The following CDKN2B-AS1 variants were observed in gnomAD, a reference collection of about 807,000 sequenced individuals.
CDKN2B-AS1 encodes CDKN2B antisense RNA 1 (non-protein coding).
At chr9:22,052,262 A>G (rs1563948298) in intron 3 of CDKN2B-AS1, among the ~76,000 whole-genome samples, 2 of 152,208 alleles carry the variant, frequency 1.3e-5, no homozygotes, top group Non-Finnish European at 2.9e-5. Flanking sequence ...TAAGTGTTCT[A>G]TATACAAAGC....
At chr9:22,060,093 C>A (rs1683668699) in intron 4 of CDKN2B-AS1, among the ~76,000 whole-genome samples, 1 of 152,198 alleles carries the variant, frequency 6.6e-6, no homozygotes, top group Non-Finnish European at 1.5e-5. Flanking sequence ...TCCCCATGGT[C>A]TCGGGGATTA....
At chr9:22,018,934 G>A (rs927326362) in intron 1 of CDKN2B-AS1, among the ~76,000 whole-genome samples, 1 of 152,186 alleles carries the variant, frequency 6.6e-6, no homozygotes, top group Non-Finnish European at 1.5e-5. Flanking sequence ...AGCTGATCTG[G>A]TCTGGTGGTT....
chr9:22,080,656 G>C (rs1436771596), intron 4 of CDKN2B-AS1, among the ~76,000 whole-genome samples: 8 of 152,242 alleles, frequency 5.3e-5, no homozygotes, highest in Non-Finnish European at 1.2e-4. Context: ...GCTGTTGGAA[G>C]GAAGACTGTA....
intron 1 of CDKN2B-AS1, among the ~76,000 whole-genome samples, chr9:22,028,615 AAATTAAAATC>A (rs1253569035): frequency 5.9e-5 from 9 of 152,326 alleles, no homozygotes; most frequent in Non-Finnish European, 1.2e-4. Context: ...GTTTCAAAAC[AAATTAAAATC>A]AAAAGTTAAG....
At chr9:22,107,415 G>A (rs1444814306) in intron 4 of CDKN2B-AS1, among the ~76,000 whole-genome samples, 1 of 152,158 alleles carries the variant, frequency 6.6e-6, no homozygotes, top group Non-Finnish European at 1.5e-5. Context: ...TGCACTCTCA[G>A]TCTAGACTAA....
intron 4 of CDKN2B-AS1, among the ~76,000 whole-genome samples, chr9:22,099,438 A>G (rs900824698): frequency 3.9e-5 from 6 of 152,190 alleles, no homozygotes. Context: ...GTTTGATAGC[A>G]AGAAACTGTT....
chr9:22,097,764 G>A lies in CDKN2B-AS1; in HGVS notation n.439-29339G>A, dbSNP rs145157781. Reference sequence around the variant, plus strand: ...GTGCTAAAGACTTACTAGACTGCATGTTTGTGCTTTCTGCTGCATTCCTCT... The same window carrying A: ...GTGCTAAAGACTTACTAGACTGCATATTTGTGCTTTCTGCTGCATTCCTCT... On this transcript the variant is annotated intron_variant and non_coding_transcript_variant, in intron 4 of 4. Coordinates refer to ENST00000650946, the Ensembl canonical transcript of CDKN2B-AS1. 5.9e-5 allele frequency among the ~76,000 whole-genome samples: 9 copies of A among 152,338 alleles called. No individual in the cohort carries two copies. The East Asian group carries it at 1.5e-3, about 26-fold the overall frequency.
chr9:22,049,424 G>A (rs1823243290), intron 3 of CDKN2B-AS1, among the ~76,000 whole-genome samples: 1 of 152,118 alleles, frequency 6.6e-6, no homozygotes, highest in Non-Finnish European at 1.5e-5. Flanking sequence ...TTAAATCTGG[G>A]TATAAGTCCG....
intron 1 of CDKN2B-AS1, among the ~76,000 whole-genome samples, chr9:22,008,508 A>G (rs932976985): frequency 6.6e-6 from 1 of 152,144 alleles, no homozygotes; most frequent in South Asian, 2.1e-4. Context: ...TTCCCTAAAT[A>G]AGCTTTCCTT....
At chr9:22,104,388 A>T (rs1007664677) in intron 4 of CDKN2B-AS1, among the ~76,000 whole-genome samples, 1 of 152,234 alleles carries the variant, frequency 6.6e-6, no homozygotes, top group Admixed American at 6.5e-5. Flanking sequence ...TTGGATTGTC[A>T]GGATCAAAAC....
chr9:22,078,306 C>T (rs7855660), intron 4 of CDKN2B-AS1, among the ~76,000 whole-genome samples: 11,739 of 151,702 alleles, frequency 0.077, 1,456 homozygotes, highest in African/African-American at 0.26. Context: ...TTACTTGACT[C>T]GTATCAAACT....
intron 1 of CDKN2B-AS1, chr9:22,009,200 T>TG: frequency 1.6e-6 from 1 of 616,972 alleles, no homozygotes; most frequent in Non-Finnish European, 2.9e-6. Context: ...GGATTGCTTC[T>TG]GGGAAAAAGC....
At position 22,000,433 on chromosome 9, in the gene CDKN2B-AS1, A is replaced by C. The variant is rs963325025; in HGVS notation, n.29+5272A>C. ...TAGTCTTACTGTGATAAGTCTAACT[A>C]TCAAAGGCAGTCCAGAGATTAGCAA... On this transcript the variant is annotated intron_variant and non_coding_transcript_variant, in intron 1 of 4. Transcript: ENST00000650946. The surrounding 1 kb of genome is among the most constrained non-coding windows in gnomAD (Gnocchi z 4.1). Among the ~76,000 whole-genome samples, 5 of 152,206 alleles carry C rather than the reference A, an allele frequency of 3.3e-5. No individual in the cohort carries two copies. The highest frequency in any genetic ancestry group is 7.4e-5 in the Non-Finnish European group (5 of 68,022).
chr9:22,100,042 T>C (rs112103514), intron 4 of CDKN2B-AS1, among the ~76,000 whole-genome samples: 23 of 152,292 alleles, frequency 1.5e-4, no homozygotes, highest in Middle Eastern at 3.4e-3. Flanking sequence ...AAGAGATATT[T>C]AGAAAGGAGC....
At chr9:22,042,047 C>T (rs190698937) in intron 1 of CDKN2B-AS1, among the ~76,000 whole-genome samples, 2 of 152,142 alleles carry the variant, frequency 1.3e-5, no homozygotes, top group Admixed American at 1.3e-4. Flanking sequence ...AGTTGACAGA[C>T]TCACCTCACT....
At chr9:22,109,200 C>A (rs1156894187) in intron 4 of CDKN2B-AS1, among the ~76,000 whole-genome samples, 1 of 152,138 alleles carries the variant, frequency 6.6e-6, no homozygotes, top group Non-Finnish European at 1.5e-5. Flanking sequence ...TGGACTGGTC[C>A]TTTCCTGGTT....
At position 21,996,535 on chromosome 9, in the gene CDKN2B-AS1, T is replaced by G. The variant is rs182054560; in HGVS notation, n.29+1374T>G. On this transcript the variant is annotated intron_variant and non_coding_transcript_variant, in intron 1 of 4. Transcript: ENST00000650946. The surrounding 1 kb of genome is among the most constrained non-coding windows in gnomAD (Gnocchi z 5.4). ...CCTCATACCACCGTGATTTTTTTCT[T>G]TATAGCACTTAGGACGAAGAGATTA... is the stretch of plus-strand genomic sequence containing the variant. Among the ~76,000 whole-genome samples the G allele has an allele frequency of 6.6e-6, 1 of 152,314 alleles. No individual in the cohort carries two copies. The highest frequency in any genetic ancestry group is 6.5e-5 in the Admixed American group (1 of 15,304).
rs566087258 is a variant in CDKN2B-AS1, at chr9:22,090,886, C to T, written n.438+34499C>T. 4.5e-4 allele frequency among the ~76,000 whole-genome samples: 68 copies of T among 152,244 alleles called. 1 individual carries two copies. Among genetic ancestry groups the T allele is most frequent in the Middle Eastern group, 3.4e-3 (1 of 294 alleles). ...TTGCCATTGCTTTTGGTGTTTTAGA[C>T]ATGAAGTCCTTGCCCATGCCTATGT... On this transcript the variant is annotated intron_variant and non_coding_transcript_variant, in intron 4 of 4. Coordinates refer to ENST00000650946, the Ensembl canonical transcript of CDKN2B-AS1.
At chr9:22,092,159 C>A (rs1563976153) in intron 4 of CDKN2B-AS1, 1 of 152,132 alleles carries the variant, frequency 6.6e-6, no homozygotes, top group Non-Finnish European at 1.5e-5. Flanking sequence ...GCCTTGCATC[C>A]CAGGGATGAA....
Sources: gnomAD v4.1 joint callset for allele counts (sites outside exome capture counted in the v4.1 genomes callset) on GRCh38, gnomAD v4.1.1 for gene constraint, Gnocchi (gnomAD v3.1) non-coding constraint, MANE v1.5 for transcripts, NCBI Gene and HGNC (gene_info 2026-07-23, HGNC 2026-07-21) for gene names.